Variants in ATP8B1 observed in about 807,000 individuals in gnomAD.
The protein encoded by ATP8B1 is ATPase phospholipid transporting 8B1.
Under a neutral mutation model 149.9 loss-of-function variants are expected in ATP8B1, and 80 were observed. The observed-to-expected ratio is 0.53, with a 90% CI of 0.45 to 0.64. The LOEUF is 0.64. Ranked by LOEUF, ATP8B1 falls within the 30% of genes least tolerant of loss-of-function variation. The pLI is 0.00. For synonymous variants in ATP8B1, 536 were observed against 562.8 expected (o/e 0.95, Z 0.67); for missense variants, 1,247 against 1,552.6 (o/e 0.80, Z 3.31).
chr18:57,677,937 A>AT (rs1356562468), intron 15 of ATP8B1, among the ~76,000 whole-genome samples: 1 of 152,112 alleles, frequency 6.6e-6, no homozygotes, highest in Non-Finnish European at 1.5e-5. Flanking sequence ...ACACCTTGAT[A>AT]TTTTTATCAT....
intron 1 of ATP8B1, among the ~76,000 whole-genome samples, chr18:57,753,366 G>A (rs774854559): frequency 4.6e-5 from 7 of 152,194 alleles, no homozygotes; most frequent in Non-Finnish European, 1.0e-4. Flanking sequence ...CATTGGCCTT[G>A]GCCATGAACA....
intron 1 of ATP8B1, among the ~76,000 whole-genome samples, chr18:57,772,811 C>T (rs1599222608): frequency 6.6e-6 from 1 of 152,102 alleles, no homozygotes; most frequent in South Asian, 2.1e-4. Flanking sequence ...GCCTAGGAAG[C>T]TATTCTGGAA....
chr18:57,700,165 A>C (rs1394745900), intron 6 of ATP8B1, among the ~76,000 whole-genome samples: 1 of 152,210 alleles, frequency 6.6e-6, no homozygotes, highest in Non-Finnish European at 1.5e-5. Context: ...CTTACATGCA[A>C]ATTTCTATTT....
At position 57,803,278 on chromosome 18, in the gene ATP8B1, C is replaced by A. The variant is rs1181622907; in HGVS notation, c.-306G>T. Reference sequence around the variant, plus strand: ...GCCCTTTTGCCTCCGCTCCGCCGGACCGGCCAAACTGGTTTCTCCGCTCGG... The same window carrying A: ...GCCCTTTTGCCTCCGCTCCGCCGGAACGGCCAAACTGGTTTCTCCGCTCGG... On this transcript the variant is annotated 5_prime_UTR_variant, in exon 1 of 28. Transcript: ENST00000648908. Among the ~76,000 whole-genome samples the A allele has an allele frequency of 6.6e-6, 1 of 152,226 alleles. No individual in the cohort carries two copies. The highest frequency in any genetic ancestry group is 1.5e-5 in the Non-Finnish European group (1 of 68,036).
At chr18:57,738,275 A>G (rs1226646134) in intron 1 of ATP8B1, among the ~76,000 whole-genome samples, 5 of 152,238 alleles carry the variant, frequency 3.3e-5, no homozygotes, top group African/African-American at 1.2e-4. Flanking sequence ...CACAGGGAAC[A>G]GAGCTACTGA....
intron 26 of ATP8B1, among the ~76,000 whole-genome samples, chr18:57,651,723 C>G (rs1228061425): frequency 6.6e-6 from 1 of 151,920 alleles, no homozygotes; most frequent in Non-Finnish European, 1.5e-5. Flanking sequence ...GCCTCAACGT[C>G]CCAGGTCAAG....
chr18:57,787,517 AGCTCCATCTAGGACACTGTG>A (rs1176750828), intron 1 of ATP8B1, among the ~76,000 whole-genome samples: 3 of 152,026 alleles, frequency 2.0e-5, no homozygotes, highest in Admixed American at 6.6e-5. Context: ...ATGCGGGTGG[AGCTCCATCTAGGACACTGTG>A]GGTGGAGCTC....
chr18:57,661,633 ATG>A (rs1568183391), intron 21 of ATP8B1, among the ~76,000 whole-genome samples, 171 bp from the exon 22 acceptor site: 1 of 135,884 alleles, frequency 7.4e-6, no homozygotes, highest in East Asian at 2.2e-4. Context: ...GTGCGTGTGT[ATG>A]TATATACACA....
chr18:57,771,837 C>T (rs1457906813), intron 1 of ATP8B1, among the ~76,000 whole-genome samples: 1 of 152,168 alleles, frequency 6.6e-6, no homozygotes, highest in Non-Finnish European at 1.5e-5. Context: ...AAAGGGAACA[C>T]AGCCTAAGGC....
At chr18:57,668,310 G>A (rs1035707744) in intron 19 of ATP8B1, 119 bp downstream of exon 19, 55 of 1,331,096 alleles carry the variant, frequency 4.1e-5, no homozygotes, top group Admixed American at 4.0e-4. Flanking sequence ...AGCATCTTCC[G>A]TCCAAAGAAA....
In ATP8B1 at chr18:57,681,611, G is replaced by A. The variant is rs1313662361; in HGVS notation, c.1630+2425C>T. On this transcript the variant is annotated intron_variant, in intron 15 of 27. Transcript: ENST00000648908. ...AAATCAGGAGTTGGAGACCAGCCTGGCCAACATGGTGAAGCCCCATCTCTA... is the reference window on the plus strand; with the variant it reads ...AAATCAGGAGTTGGAGACCAGCCTGACCAACATGGTGAAGCCCCATCTCTA... Among the ~76,000 whole-genome samples the A allele has an allele frequency of 2.6e-5, 4 of 152,058 alleles. 1 individual carries two copies. The highest frequency in any genetic ancestry group is 5.9e-5 in the Non-Finnish European group (4 of 68,028).
intron 26 of ATP8B1, 64 bp from the exon 27 acceptor site, chr18:57,650,561 C>A (rs1909544077): frequency 3.8e-6 from 6 of 1,578,074 alleles, no homozygotes; most frequent in Non-Finnish European, 5.2e-6. Context: ...GTTAATATTT[C>A]GCCAGGTGTG....
At chr18:57,777,026 G>T (rs1173786227) in intron 1 of ATP8B1, among the ~76,000 whole-genome samples, 1 of 151,418 alleles carries the variant, frequency 6.6e-6, no homozygotes, top group African/African-American at 2.4e-5. Context: ...GCCCAGGCTG[G>T]AGTACGGTGG....
At chr18:57,678,574 G>A (rs1207789168) in intron 15 of ATP8B1, among the ~76,000 whole-genome samples, 1 of 135,128 alleles carries the variant, frequency 7.4e-6, no homozygotes, top group Admixed American at 7.8e-5. Flanking sequence ...GCGATAGTTC[G>A]AGATTCTATC....
intron 2 of ATP8B1, among the ~76,000 whole-genome samples, chr18:57,707,116 C>CTAA (rs1913440597): frequency 1.3e-5 from 2 of 152,108 alleles, no homozygotes; most frequent in Admixed American, 1.3e-4. Context: ...ACCAGCCTGG[C>CTAA]CAAGGTGGTG....
rs369873164 is a variant in ATP8B1, at chr18:57,662,574, C to T, written c.2327G>A (p.Gly776Asp). Residue 776 changes from glycine (G) to aspartate (D), a missense_variant, in exon 21 of 28, where the codon GGT becomes GAT. By Grantham distance (94) the Gly-to-Asp change is moderately conservative (BLOSUM62 -1). Coordinates refer to ENST00000648908, the MANE Select transcript of ATP8B1 (RefSeq NM_001374385.1). ...AGGTGCAAACTTTGCGTAGACGCCA[C>T]CTCTATTCCTCTGGTTTTCCATCCT... ...HARMENQRNR[G>D]GVYAKFAPPV... 5.6e-6 allele frequency: 9 copies of T among 1,613,982 alleles called. No individual in the cohort carries two copies. Among genetic ancestry groups the T allele is most frequent in the Non-Finnish European group, 7.6e-6 (9 of 1,180,020 alleles).
chr18:57,797,785 A>G (rs1317347130), intron 1 of ATP8B1, among the ~76,000 whole-genome samples: 1 of 143,106 alleles, frequency 7.0e-6, no homozygotes, highest in Non-Finnish European at 1.5e-5. Flanking sequence ...TCAGCTCACT[A>G]CAACCTCACC....
In ATP8B1 at chr18:57,761,944, T is replaced by TAA. The variant is rs71171087; in HGVS notation, c.-25-30114_-25-30113dup. Among the ~76,000 whole-genome samples the TAA allele has an allele frequency of 4.4e-4, 43 of 98,190 alleles. 1 individual carries two copies. The highest frequency in any genetic ancestry group is 7.3e-4 in the South Asian group (2 of 2,748). The allele number at this position is 98,190 out of a possible 152,430, so 64.4% of individuals were successfully genotyped here. A position where few individuals can be genotyped will look rare whatever the true frequency, so the allele number is the denominator to read the frequency against. ...CAGCCTGGTGACAGAGCAAGACTGT[T>TAA]AAAAAAAAAAAAAAAAAAAAAAAGG... On this transcript the variant is annotated intron_variant, in intron 1 of 27. Transcript: ENST00000648908.
intron 1 of ATP8B1, among the ~76,000 whole-genome samples, chr18:57,787,432 C>T (rs1303059597): frequency 1.5e-5 from 2 of 135,328 alleles, no homozygotes; most frequent in African/African-American, 2.5e-5. Flanking sequence ...TAGAACACTG[C>T]GGGAGGAGCT....
Sources: allele counts gnomAD v4.1 joint callset (sites outside exome capture counted in the v4.1 genomes callset), GRCh38; gene constraint gnomAD v4.1.1; transcripts MANE v1.5; gene names NCBI Gene and HGNC (gene_info 2026-07-23, HGNC 2026-07-21).